The following CPN2 variants were observed in gnomAD, a reference collection of about 807,000 sequenced individuals.
CPN2 encodes carboxypeptidase N subunit 2.
For synonymous variants in CPN2, 336 were observed against 318.4 expected, an observed-to-expected ratio of 1.06 and a Z score of -0.59; for missense variants, 620 against 671.4, an observed-to-expected ratio of 0.92 and a Z score of 0.85.
chr3:194,341,801 A>G lies in CPN2; in HGVS notation c.902T>C (p.Leu301Pro). ...AAAGGTGCCCTCAGCGACAGTCTCC[A>G]GCTGGTTATGGGTCAGAGACAGGCC... ...LVGLSLTHNQ[L>P]ETVAEGTFAH... The change falls in exon 2 of 2, where the codon CTG becomes CCG. Residue 301 changes from leucine (L) to proline (P), a missense_variant. Physicochemically the swap from Leu to Pro is moderately conservative, Grantham distance 98 (BLOSUM62 -3). Transcript: ENST00000323830. 1 of 1,613,972 alleles carries G rather than the reference A, an allele frequency of 6.2e-7. No homozygotes were observed.
At chr3:194,343,485 G>A (rs1712939230) in intron 1 of CPN2, among the ~76,000 whole-genome samples, 1 of 152,246 alleles carries the variant, frequency 6.6e-6, no homozygotes, top group Non-Finnish European at 1.5e-5. Flanking sequence ...AGGTTTCAGA[G>A]TGATCTGGGG....
chr3:194,342,301 C>A lies in CPN2; in HGVS notation c.402G>T (p.Glu134Asp), dbSNP rs557504656. Residue 134 changes from glutamate to aspartate, a missense_variant, in exon 2 of 2, where the codon GAG becomes GAT. Coordinates refer to ENST00000323830, the MANE Select transcript of CPN2 (RefSeq NM_001080513.4). ...GKLTLNFNML[E>D]ALPEGLFQHL... ...GCTGGAAAAGACCCTCGGGCAGAGC[C>A]TCCAGCATGTTGAAGTTGAGGGTGA... is the stretch of plus-strand genomic sequence containing the variant. 1.2e-5 allele frequency: 20 copies of A among 1,613,960 alleles called. No homozygotes were observed. The South Asian group carries it at 1.9e-4, about 15-fold the overall frequency.
Position 194,342,713 on chromosome 3 carries a change from C to A in CPN2, c.-3-8G>T. On this transcript the variant is annotated splice_region_variant and splice_polypyrimidine_tract_variant and intron_variant, in intron 1 of 1. Coordinates refer to ENST00000323830, the MANE Select transcript of CPN2 (RefSeq NM_001080513.4). ...GGCTCCAGGGAGCATCTTCTAGATT[C>A]GAGGAGGGAGAGAGAACAGGAAGAG... The A allele has an allele frequency of 8.5e-7, 1 of 1,177,756 alleles. No individual in the cohort carries two copies. The highest frequency in any genetic ancestry group is 1.3e-5 in the South Asian group (1 of 74,746). The allele number at this position is 1,177,756 out of a possible 1,614,324, so 73.0% of individuals were successfully genotyped here. A position where few individuals can be genotyped will look rare whatever the true frequency, so the allele number is the denominator to read the frequency against.
In CPN2 at chr3:194,341,846, G is replaced by T. The variant is rs751222345; in HGVS notation, c.857C>A (p.Ala286Asp). The change falls in exon 2 of 2, where the codon GCC becomes GAC. Residue 286 changes from alanine to aspartate, a missense_variant. Transcript: ENST00000323830. The part of the protein sequence containing the change: ...MLRVLPAGLF[A>D]HTPCLVGLSL... ...CAGGCCAACCAGGCACGGGGTGTGG[G>T]CAAAGAGGCCGGCAGGCAGGACCCG... 6 of 1,613,966 alleles carry T rather than the reference G, an allele frequency of 3.7e-6. No homozygotes were observed. The East Asian group carries it at 6.7e-5, about 18-fold the overall frequency.
chr3:194,342,926 A>G lies in CPN2; in HGVS notation c.-3-221T>C, dbSNP rs368352634. Among the ~76,000 whole-genome samples the G allele has an allele frequency of 1.1e-4, 17 of 152,342 alleles. No individual in the cohort carries two copies. In the East Asian group the frequency reaches 2.7e-3, roughly 24 times the overall value. On this transcript the variant is annotated intron_variant, in intron 1 of 1. Transcript: ENST00000323830. ...ACAAAAAGGCATGGAAGAGAGACAC[A>G]AAAGGAGACCATGGGCATTGTGGAA...
intron 1 of CPN2, among the ~76,000 whole-genome samples, chr3:194,350,438 G>C (rs1713227552): frequency 6.6e-6 from 1 of 152,346 alleles, no homozygotes. Context: ...CCTACTAGCG[G>C]TGTGGGCTTG....
chr3:194,341,098 G>A lies in CPN2; in HGVS notation c.1605C>T (p.Thr535=), dbSNP rs772002312. Residue 535 remains threonine (T), a synonymous_variant, in exon 2 of 2, where the codon ACC becomes ACT. Transcript: ENST00000323830. ...CTGCTGCCCGAGCCTCGATAGACAC[G>A]GTGAGCCGCAGAGAACCGCAGCTCG... ...LRSSCGSLRL[T]VSIEARAAGP The A allele has an allele frequency of 2.1e-5, 33 of 1,608,704 alleles. 1 individual carries two copies. In the Admixed American group the frequency reaches 3.8e-4, roughly 19 times the overall value.
chr3:194,341,067 A>G lies in CPN2; in HGVS notation c.1636T>C (p.Ter546GlnextTer1), dbSNP rs1469375608. The stretch of plus-strand genomic sequence containing the variant: ...CCCAGCTCCTGTATGCGCTGCTACT[A>G]GGGCCCTGCTGCCCGAGCCTCGATA... ...VSIEARAAGP* is the reference protein window; with the variant it reads ...VSIEARAAGPQ Residue 546 changes from the stop codon to glutamine (Q), a stop_lost, in exon 2 of 2, where the codon TAG becomes CAG. Transcript: ENST00000323830. 3 of 1,596,862 alleles carry G rather than the reference A, an allele frequency of 1.9e-6. No individual in the cohort carries two copies. The highest frequency in any genetic ancestry group is 2.7e-5 in the African/African-American group (2 of 74,798).
At position 194,340,317 on chromosome 3, in the gene CPN2, A is replaced by G. The variant is rs934106528; in HGVS notation, c.*748T>C. 3 of 152,208 alleles carry G rather than the reference A, an allele frequency of 2.0e-5. No individual in the cohort carries two copies. Among genetic ancestry groups the G allele is most frequent in the Non-Finnish European group, 4.4e-5 (3 of 68,044 alleles). The allele number at this position is 152,208 out of a possible 1,614,324, so 9.4% of individuals were successfully genotyped here. A position where few individuals can be genotyped will look rare whatever the true frequency, so the allele number is the denominator to read the frequency against. On this transcript the variant is annotated 3_prime_UTR_variant, in exon 2 of 2. Coordinates refer to ENST00000323830, the MANE Select transcript of CPN2 (RefSeq NM_001080513.4). Reference sequence around the variant, plus strand: ...GGGCAAGTTCAAGGTAGGGCAAGGAAATATATTTGGGGGTTAAATATTTTT... The same window carrying G: ...GGGCAAGTTCAAGGTAGGGCAAGGAGATATATTTGGGGGTTAAATATTTTT...
chr3:194,350,093 C>T (rs536295647), intron 1 of CPN2, among the ~76,000 whole-genome samples: 9 of 152,180 alleles, frequency 5.9e-5, no homozygotes, highest in Non-Finnish European at 7.4e-5. Context: ...TGAGCCACCG[C>T]GCTCGGCCCT....
chr3:194,348,713 ACATCT>A, intron 1 of CPN2, among the ~76,000 whole-genome samples: 1 of 152,034 alleles, frequency 6.6e-6, no homozygotes, highest in African/African-American at 2.4e-5. Flanking sequence ...CAACATGGTA[ACATCT>A]CATCTCTTCA....
chr3:194,349,926 C>G (rs1042767619), intron 1 of CPN2, among the ~76,000 whole-genome samples: 1 of 151,218 alleles, frequency 6.6e-6, no homozygotes, highest in African/African-American at 2.4e-5. Context: ...CTCAGCCTCC[C>G]GAGTAGTTGG....
rs1344435653 is a variant in CPN2 at position 194,351,251 on chromosome 3, C to T, written c.-13G>A. ...GACCCCGGGAGCCTACCGTGAGGGC[C>T]GAGCGGGTGGCGCCGGGCTGCCCTG... is the stretch of plus-strand genomic sequence containing the variant. On this transcript the variant is annotated 5_prime_UTR_variant, in exon 1 of 2. Transcript: ENST00000323830. 1 of 152,472 alleles carries T rather than the reference C, an allele frequency of 6.6e-6. No homozygotes were observed. Among genetic ancestry groups the T allele is most frequent in the South Asian group, 2.1e-4 (1 of 4,826 alleles). The allele number at this position is 152,472 out of a possible 1,614,324, so 9.4% of individuals were successfully genotyped here. A position where few individuals can be genotyped will look rare whatever the true frequency, so the allele number is the denominator to read the frequency against.
rs1317962353 is a variant in CPN2, at chr3:194,342,407, A to G, written c.296T>C (p.Leu99Pro). ...RPDAFGGLPRLEDLEVTGSSF... is the reference protein window; with the variant it reads ...RPDAFGGLPRPEDLEVTGSSF... ...ACTGCCTGTGACCTCCAGGTCCTCC[A>G]GCCTGGGCAGCCCCCCGAAGGCATC... Residue 99 changes from leucine to proline, a missense_variant, in exon 2 of 2, where the codon CTG (leucine) becomes CCG (proline). Physicochemically the swap from Leu to Pro is moderately conservative, Grantham distance 98. Transcript: ENST00000323830. 1 of 1,614,112 alleles carries G rather than the reference A, an allele frequency of 6.2e-7. No individual in the cohort carries two copies. The highest frequency in any genetic ancestry group is 8.5e-7 in the Non-Finnish European group (1 of 1,180,048).
Position 194,340,861 on chromosome 3 carries a change from ACTC to A in CPN2, c.*201_*203del, listed in dbSNP as rs1712774630. On this transcript the variant is annotated 3_prime_UTR_variant, in exon 2 of 2. Coordinates refer to ENST00000323830, the MANE Select transcript of CPN2 (RefSeq NM_001080513.4). ...TAAGGATGGCCTTGTTAGGCCGCAC[ACTC>A]CAGGAGAAGCGATGAAGGAAGAGGA... 1 of 761,106 alleles carries A rather than the reference ACTC, an allele frequency of 1.3e-6. No homozygotes were observed. 47.1% of individuals were successfully genotyped at this position (761,106 alleles called of 1,614,324 possible). A position where few individuals can be genotyped will look rare whatever the true frequency, so the allele number is the denominator to read the frequency against.
At chr3:194,350,186 G>C (rs1247700378) in intron 1 of CPN2, among the ~76,000 whole-genome samples, 2 of 152,102 alleles carry the variant, frequency 1.3e-5, no homozygotes, top group African/African-American at 4.8e-5. Flanking sequence ...GCACCCACCC[G>C]ACTGAGCCCG....
Position 194,342,218 on chromosome 3 carries a change from C to T in CPN2, c.485G>A (p.Arg162Lys), listed in dbSNP as rs766061662. ...ATGGGTCAGAGGCTGGAAGAGCCTC[C>T]TGGGCAGGGCCTGGAGCTGGTTCCC... ...LQGNQLQALPRRLFQPLTHLK... is the reference protein window; with the variant it reads ...LQGNQLQALPKRLFQPLTHLK... The change falls in exon 2 of 2, where the codon AGG becomes AAG. Residue 162 changes from arginine to lysine, a missense_variant. By Grantham distance (26) the Arg-to-Lys change is conservative. Coordinates refer to ENST00000323830, the MANE Select transcript of CPN2 (RefSeq NM_001080513.4). 19 of 1,614,032 alleles carry T rather than the reference C, an allele frequency of 1.2e-5. No individual in the cohort carries two copies. The highest frequency in any genetic ancestry group is 1.6e-5 in the Non-Finnish European group (19 of 1,179,942).
At chr3:194,344,092 G>T (rs1012770570) in intron 1 of CPN2, among the ~76,000 whole-genome samples, 4 of 152,176 alleles carry the variant, frequency 2.6e-5, no homozygotes, top group African/African-American at 7.2e-5. Flanking sequence ...CTCGCTGGCT[G>T]TCTCTCTGCT....
chr3:194,342,743 T>C (rs1476800282), intron 1 of CPN2, 38 bp from the exon 2 acceptor site: 1 of 900,292 alleles, frequency 1.1e-6, no homozygotes, highest in East Asian at 2.4e-5. Flanking sequence ...GAAGAGAAAC[T>C]TGATCATCAC....
Sources: gnomAD v4.1 joint callset for allele counts (sites outside exome capture counted in the v4.1 genomes callset) on GRCh38, gnomAD v4.1.1 for gene constraint, MANE v1.5 for transcripts, NCBI Gene and HGNC (gene_info 2026-07-23, HGNC 2026-07-21) for gene names.